EME2: variants seen among roughly 807,000 people sequenced by gnomAD.
The protein encoded by EME2 is structure-specific endonuclease subunit EME2.
A neutral mutation model predicts 41.9 loss-of-function variants in EME2; 58 were observed. The ratio of observed to expected loss-of-function variants is 1.38; its 90% CI spans 1.12 to 1.72. The LOEUF (loss-of-function observed/expected upper bound fraction) is 1.72. Among genes scored for constraint, EME2 ranks in the 40% most tolerant of loss-of-function variants. EME2 has a pLI of 0.00. For synonymous variants in EME2, 334 were observed against 239.3 expected (o/e 1.40, Z -3.65); for missense variants, 695 against 541.9 (o/e 1.28, Z -2.81).
Position 1,781,658 on chromosome 16 carries a change from A to G in EME2, c.*5420A>G. 1.5e-6 allele frequency: 1 copy of G among 671,700 alleles called. No individual in the cohort carries two copies. Among genetic ancestry groups the G allele is most frequent in the South Asian group, 1.9e-5 (1 of 51,300 alleles). 41.6% of individuals were successfully genotyped at this position (671,700 alleles called of 1,614,324 possible). On this transcript the variant is annotated 3_prime_UTR_variant, in exon 8 of 8. Coordinates refer to ENST00000568449, the MANE Select transcript of EME2 (RefSeq NM_001257370.2). The stretch of plus-strand genomic sequence containing the variant: ...TCAGGAGCCCGTACCTCACTCCAGG[A>G]TCTGAGCAGCTCAATAAAACCCAGG...
Position 1,774,015 on chromosome 16 carries a change from G to C in EME2, c.384+174G>C, listed in dbSNP as rs150946324. ...GTGCCCAAGCCGTTCTGCTGGTATA[G>C]AGCCGAGCTGGCTGGAGAAGGTTCC... is the stretch of plus-strand genomic sequence containing the variant. On this transcript the variant is annotated intron_variant, in intron 2 of 7. Transcript: ENST00000568449. Among the ~76,000 whole-genome samples the C allele has an allele frequency of 4.2e-3, 645 of 152,384 alleles. 4 individuals carry two copies. Among genetic ancestry groups the C allele is most frequent in the Admixed American group, 0.011 (175 of 15,310 alleles).
In EME2 at chr16:1,777,671, C is replaced by T. The variant is rs368008953; in HGVS notation, c.*1433C>T. The T allele has an allele frequency of 3.4e-4, 535 of 1,585,114 alleles. No homozygotes were observed. Among genetic ancestry groups the T allele is most frequent in the Non-Finnish European group, 4.5e-4 (527 of 1,165,400 alleles). On this transcript the variant is annotated 3_prime_UTR_variant, in exon 8 of 8. Transcript: ENST00000568449. ...GAACCCTTTCAGAAAACCTCAGTGT[C>T]CCCTGGGCTGGGGCGGGGTGGCTGC...
In EME2 at chr16:1,777,728, A is replaced by C. The variant is rs1446958668; in HGVS notation, c.*1490A>C. ...CGGGGTGACAGCTGAGAGGAGCTCAAGTCCTGTGACGGCCTCACCTATACA... is the reference window on the plus strand; with the variant it reads ...CGGGGTGACAGCTGAGAGGAGCTCACGTCCTGTGACGGCCTCACCTATACA... On this transcript the variant is annotated 3_prime_UTR_variant, in exon 8 of 8. Transcript: ENST00000568449. 5 of 1,610,332 alleles carry C rather than the reference A, an allele frequency of 3.1e-6. No individual in the cohort carries two copies. The Admixed American group carries it at 8.3e-5, about 27-fold the overall frequency.
At position 1,777,358 on chromosome 16, in the gene EME2, G is replaced by T; in HGVS notation, c.*1120G>T. On this transcript the variant is annotated 3_prime_UTR_variant, in exon 8 of 8. Coordinates refer to ENST00000568449, the MANE Select transcript of EME2 (RefSeq NM_001257370.2). ...GGAGGGAAGTGGCGCTGGCACAGGA[G>T]CGGGTGACCTTCATGCTGCTCCGGG... is the stretch of plus-strand genomic sequence containing the variant. The T allele has an allele frequency of 6.2e-7, 1 of 1,606,338 alleles. No individual in the cohort carries two copies. Among genetic ancestry groups the T allele is most frequent in the Non-Finnish European group, 8.5e-7 (1 of 1,178,552 alleles).
intron 2 of EME2, among the ~76,000 whole-genome samples, 192 bp from the exon 3 acceptor site, chr16:1,774,068 C>T (rs574916642): frequency 1.3e-5 from 2 of 152,352 alleles, no homozygotes; most frequent in Admixed American, 1.3e-4. Context: ...GGTCTGGATT[C>T]CTGCCAGCCA....
In EME2 at chr16:1,778,766, C is replaced by T; in HGVS notation, c.*2528C>T. The T allele has an allele frequency of 1.3e-6, 1 of 784,554 alleles. No individual in the cohort carries two copies. The highest frequency in any genetic ancestry group is 1.9e-6 in the Non-Finnish European group (1 of 526,890). The allele number at this position is 784,554 out of a possible 1,614,324, so 48.6% of individuals were successfully genotyped here. On this transcript the variant is annotated 3_prime_UTR_variant, in exon 8 of 8. Coordinates refer to ENST00000568449, the MANE Select transcript of EME2 (RefSeq NM_001257370.2). ...TTCACAGTACCCCGAGCGCACAGCC[C>T]AGGCTCCCTCCCAACGGGCTCCGGC...
In EME2 at chr16:1,773,278, C is replaced by T. The variant is rs757723561; in HGVS notation, c.51C>T (p.Gly17=). Residue 17 remains glycine, a synonymous_variant, in exon 1 of 8, where the codon GGC becomes GGT. Transcript: ENST00000568449. ...CGGGGGTCTCTTGCCAGGGCCGGGG[C>T]CGGGGACGGGGCGGGAGCGGTCAGC... ...GRAGVSCQGR[G]RGRGGSGQRR... 3.4e-6 allele frequency: 5 copies of T among 1,470,792 alleles called. No individual in the cohort carries two copies. Among genetic ancestry groups the T allele is most frequent in the Non-Finnish European group, 3.6e-6 (4 of 1,119,400 alleles). 91.1% of individuals were successfully genotyped at this position (1,470,792 alleles called of 1,614,324 possible). A position where few individuals can be genotyped will look rare whatever the true frequency, so the allele number is the denominator to read the frequency against.
chr16:1,781,681 A>G lies in EME2; in HGVS notation c.*5443A>G. On this transcript the variant is annotated 3_prime_UTR_variant, in exon 8 of 8. Coordinates refer to ENST00000568449, the MANE Select transcript of EME2 (RefSeq NM_001257370.2). ...GGATCTGAGCAGCTCAATAAAACCCAGGTAGATCCTGTGAAACGCCACCCA... is the reference window on the plus strand; with the variant it reads ...GGATCTGAGCAGCTCAATAAAACCCGGGTAGATCCTGTGAAACGCCACCCA... 1.6e-6 allele frequency: 1 copy of G among 611,812 alleles called. No individual in the cohort carries two copies. Among genetic ancestry groups the G allele is most frequent in the East Asian group, 2.8e-5 (1 of 35,522 alleles). 37.9% of individuals were successfully genotyped at this position (611,812 alleles called of 1,614,324 possible).
intron 2 of EME2, 110 bp downstream of exon 2, chr16:1,773,951 G>A (rs901538131): frequency 3.0e-6 from 4 of 1,355,520 alleles, no homozygotes; most frequent in South Asian, 1.5e-5. Flanking sequence ...TGCGCGTCTC[G>A]CGGATGGGTA....
Position 1,781,204 on chromosome 16 carries a change from C to A in EME2, c.*4966C>A, listed in dbSNP as rs1340099675. 1 of 1,560,986 alleles carries A rather than the reference C, an allele frequency of 6.4e-7. No homozygotes were observed. The highest frequency in any genetic ancestry group is 1.4e-5 in the African/African-American group (1 of 73,918). On this transcript the variant is annotated 3_prime_UTR_variant, in exon 8 of 8. Transcript: ENST00000568449. ...TTAAAGAGTCTTACTGAATGCGGTG[C>A]ATCCAGGAGACAGGCCCAGGTTTGG...
In EME2 at chr16:1,779,950, T is replaced by A; in HGVS notation, c.*3712T>A. ...AGACCTCAGGACGGCCCCCACCCGG[T>A]GGGTAAGGACCCTGTTTCCCAATTT... On this transcript the variant is annotated 3_prime_UTR_variant, in exon 8 of 8. Transcript: ENST00000568449. 6.6e-6 allele frequency: 1 copy of A among 152,068 alleles called. No individual in the cohort carries two copies. The highest frequency in any genetic ancestry group is 1.9e-4 in the East Asian group (1 of 5,160). 9.4% of individuals were successfully genotyped at this position (152,068 alleles called of 1,614,324 possible).
chr16:1,777,632 C>G lies in EME2; in HGVS notation c.*1394C>G. On this transcript the variant is annotated 3_prime_UTR_variant, in exon 8 of 8. Coordinates refer to ENST00000568449, the MANE Select transcript of EME2 (RefSeq NM_001257370.2). ...CCCACCCCCTGGGACCCTGGGGCCT[C>G]AGGCTTCTGGGAGGAACCCTTTCAG... 1 of 1,519,990 alleles carries G rather than the reference C, an allele frequency of 6.6e-7. No individual in the cohort carries two copies. Among genetic ancestry groups the G allele is most frequent in the South Asian group, 1.2e-5 (1 of 80,216 alleles). The allele number at this position is 1,519,990 out of a possible 1,614,324, so 94.2% of individuals were successfully genotyped here. A position where few individuals can be genotyped will look rare whatever the true frequency, so the allele number is the denominator to read the frequency against.
In EME2 at chr16:1,772,894, G is replaced by C. The variant is rs1596844143; in HGVS notation, c.-334G>C. Reference sequence around the variant, plus strand: ...GACTTGCGCGTGACCAGGCGGCCCAGGCCGAAGAGCGGGAGGCGGCCGAGC... The same window carrying C: ...GACTTGCGCGTGACCAGGCGGCCCACGCCGAAGAGCGGGAGGCGGCCGAGC... On this transcript the variant is annotated 5_prime_UTR_variant, in exon 1 of 8. Coordinates refer to ENST00000568449, the MANE Select transcript of EME2 (RefSeq NM_001257370.2). 2.1e-6 allele frequency: 3 copies of C among 1,453,660 alleles called. No individual in the cohort carries two copies. In the East Asian group the frequency reaches 7.9e-5, roughly 38 times the overall value. 90.0% of individuals were successfully genotyped at this position (1,453,660 alleles called of 1,614,324 possible).
At position 1,776,285 on chromosome 16, in the gene EME2, A is replaced by G. The variant is rs752542110; in HGVS notation, c.*47A>G. The G allele has an allele frequency of 1.3e-6, 2 of 1,593,186 alleles. No individual in the cohort carries two copies. The highest frequency in any genetic ancestry group is 1.3e-5 in the African/African-American group (1 of 74,422). On this transcript the variant is annotated 3_prime_UTR_variant, in exon 8 of 8. Coordinates refer to ENST00000568449, the MANE Select transcript of EME2 (RefSeq NM_001257370.2). ...CAGCATGCAGCCTTGGGGACAGACC[A>G]GACACCCTGGGCGGTGGGGGAGGAC...
chr16:1,774,123 G>A, intron 2 of EME2, 137 bp from the exon 3 acceptor site: 1 of 809,442 alleles, frequency 1.2e-6, no homozygotes, highest in South Asian at 1.6e-5. Flanking sequence ...AGGGAACACT[G>A]GGCTTCTGTA....
At position 1,778,554 on chromosome 16, in the gene EME2, G is replaced by A. The variant is rs200619590; in HGVS notation, c.*2316G>A. On this transcript the variant is annotated 3_prime_UTR_variant, in exon 8 of 8. Coordinates refer to ENST00000568449, the MANE Select transcript of EME2 (RefSeq NM_001257370.2). ...GAAGGACTCGCCGGTCACGGGCACC[G>A]CACTGGGGATGGATGGCGGCAGCGT... The A allele has an allele frequency of 2.0e-4, 322 of 1,603,574 alleles. No homozygotes were observed. The Admixed American group carries it at 2.8e-3, about 14-fold the overall frequency.
rs1176402915 is a variant in EME2, at chr16:1,777,022, GGAAGGGACAGAGAAA to G, written c.*797_*811del. 5.4e-5 allele frequency: 81 copies of G among 1,511,330 alleles called. No homozygotes were observed. The highest frequency in any genetic ancestry group is 1.2e-4 in the African/African-American group (9 of 72,656). The allele number at this position is 1,511,330 out of a possible 1,614,324, so 93.6% of individuals were successfully genotyped here. A position where few individuals can be genotyped will look rare whatever the true frequency, so the allele number is the denominator to read the frequency against. ...ACTCCGCCCTGGAGTGTGGCTGGAAGGAAGGGACAGAGAAAGAAGGGACAGAGGAAAGGGGCTGTC... is the reference window on the plus strand; with the variant it reads ...ACTCCGCCCTGGAGTGTGGCTGGAAGGAAGGGACAGAGGAAAGGGGCTGTC... On this transcript the variant is annotated 3_prime_UTR_variant, in exon 8 of 8. Coordinates refer to ENST00000568449, the MANE Select transcript of EME2 (RefSeq NM_001257370.2).
chr16:1,777,729 G>A lies in EME2; in HGVS notation c.*1491G>A. 4 of 1,610,576 alleles carry A rather than the reference G, an allele frequency of 2.5e-6. No homozygotes were observed. Among genetic ancestry groups the A allele is most frequent in the Non-Finnish European group, 2.5e-6 (3 of 1,178,936 alleles). On this transcript the variant is annotated 3_prime_UTR_variant, in exon 8 of 8. Transcript: ENST00000568449. ...GGGGTGACAGCTGAGAGGAGCTCAA[G>A]TCCTGTGACGGCCTCACCTATACAC...
In EME2 at chr16:1,778,105, C is replaced by T; in HGVS notation, c.*1867C>T. 6.2e-7 allele frequency: 1 copy of T among 1,612,958 alleles called. No individual in the cohort carries two copies. Among genetic ancestry groups the T allele is most frequent in the South Asian group, 1.1e-5 (1 of 91,072 alleles). The stretch of plus-strand genomic sequence containing the variant: ...GCTGGGCTGCCGGAGCCAGGTTCCC[C>T]AGAAGCACCCTGGGCCGAAGCAACT... On this transcript the variant is annotated 3_prime_UTR_variant, in exon 8 of 8. Coordinates refer to ENST00000568449, the MANE Select transcript of EME2 (RefSeq NM_001257370.2).
Sources: allele counts gnomAD v4.1 joint callset (sites outside exome capture counted in the v4.1 genomes callset), GRCh38; gene constraint gnomAD v4.1.1; transcripts MANE v1.5; gene names NCBI Gene and HGNC (gene_info 2026-07-23, HGNC 2026-07-21).